CRADD: variants seen among roughly 807,000 people sequenced by gnomAD.
CRADD encodes death domain-containing protein CRADD.
Under a neutral mutation model 15.5 loss-of-function variants are expected in CRADD, and 9 were observed. The observed-to-expected ratio is 0.58, with a 90% CI of 0.35 to 1.01. The LOEUF (loss-of-function observed/expected upper bound fraction) is 1.01. CRADD is among the 50% of genes least tolerant of loss of function. The probability of loss-of-function intolerance (pLI) is 0.02; values close to 1 mark genes in which losing one functional copy is unlikely to be tolerated. For synonymous variants in CRADD, 118 were observed against 107.6 expected, an observed-to-expected ratio of 1.10 and a Z score of -0.60; for missense variants, 227 against 250.3, an observed-to-expected ratio of 0.91 and a Z score of 0.63.
intron 2 of CRADD, among the ~76,000 whole-genome samples, chr12:93,693,924 C>G (rs1955636585): frequency 6.6e-6 from 1 of 152,108 alleles, no homozygotes; most frequent in Non-Finnish European, 1.5e-5. Context: ...AAATACCAAT[C>G]TTTCTCAAAC....
At chr12:93,731,355 A>G (rs1334698514) in intron 2 of CRADD, among the ~76,000 whole-genome samples, 1 of 152,210 alleles carries the variant, frequency 6.6e-6, no homozygotes, top group Non-Finnish European at 1.5e-5. Context: ...GTTCATCCAG[A>G]TCTGTATATT....
At chr12:93,732,890 T>C (rs1457843933) in intron 2 of CRADD, among the ~76,000 whole-genome samples, 2 of 152,236 alleles carry the variant, frequency 1.3e-5, no homozygotes, top group Non-Finnish European at 2.9e-5. Flanking sequence ...TAGAAGATTT[T>C]CATAATAATA....
At chr12:93,891,304 C>T (rs961072801) in intron 2 of CRADD, among the ~76,000 whole-genome samples, 11 of 151,874 alleles carry the variant, frequency 7.2e-5, no homozygotes, top group African/African-American at 1.9e-4. Context: ...GCCTGGCCAA[C>T]GTGGCAACCC....
chr12:93,754,375 G>T (rs906640782), intron 2 of CRADD, among the ~76,000 whole-genome samples: 1 of 152,170 alleles, frequency 6.6e-6, no homozygotes, highest in African/African-American at 2.4e-5. Flanking sequence ...TTAACATTTG[G>T]CTCCTTGTTA....
rs1263937150 is a variant in CRADD at position 93,824,245 on chromosome 12, T to A, written c.299-25725T>A. ...TTCAGTGTCTCAGCATACTTTCCAATGCTTCCAGTAATGGATTGTGCAAAA... is the reference window on the plus strand; with the variant it reads ...TTCAGTGTCTCAGCATACTTTCCAAAGCTTCCAGTAATGGATTGTGCAAAA... On this transcript the variant is annotated intron_variant, in intron 2 of 2. Transcript: ENST00000332896. This position sits in a 1 kb window ranked among gnomAD's most constrained non-coding sequence, Gnocchi z 4.3. 1.3e-5 allele frequency among the ~76,000 whole-genome samples: 2 copies of A among 152,162 alleles called. No individual in the cohort carries two copies. Among genetic ancestry groups the A allele is most frequent in the Non-Finnish European group, 2.9e-5 (2 of 68,020 alleles).
At chr12:93,894,395 G>A in exon 3 of CRADD, 1 of 460,288 alleles carries the variant, frequency 2.2e-6, no homozygotes, top group South Asian at 2.3e-5. Context: ...TGGTGCAGAG[G>A]GTGAGAAGCC....
At chr12:93,703,632 G>A (rs998861784) in intron 2 of CRADD, among the ~76,000 whole-genome samples, 4 of 151,714 alleles carry the variant, frequency 2.6e-5, no homozygotes, top group African/African-American at 9.7e-5. Flanking sequence ...AAAGTGCTGG[G>A]ATTACAGGCA....
chr12:93,767,919 C>T (rs1055490640), intron 2 of CRADD, among the ~76,000 whole-genome samples: 10 of 152,302 alleles, frequency 6.6e-5, no homozygotes, highest in African/African-American at 2.4e-4. Flanking sequence ...TAAGATAAAC[C>T]AGTATTGACA....
intron 2 of CRADD, among the ~76,000 whole-genome samples, chr12:93,804,470 C>G (rs1279778115): frequency 1.3e-5 from 2 of 152,066 alleles, no homozygotes; most frequent in Non-Finnish European, 2.9e-5. Context: ...TGCTGACATA[C>G]CCAGACTATG....
At chr12:93,683,900 ATCTAGCTTGCAG>A (rs1955375782) in intron 2 of CRADD, among the ~76,000 whole-genome samples, 1 of 152,208 alleles carries the variant, frequency 6.6e-6, no homozygotes, top group Non-Finnish European at 1.5e-5. Context: ...GTCTCAGTGT[ATCTAGCTTGCAG>A]TCTATCCATG....
At chr12:93,808,291 C>T (rs2137004710) in intron 2 of CRADD, among the ~76,000 whole-genome samples, 1 of 152,192 alleles carries the variant, frequency 6.6e-6, no homozygotes, top group South Asian at 2.1e-4. Flanking sequence ...GGAGGCCTCA[C>T]AATCATGGCA....
intron 2 of CRADD, among the ~76,000 whole-genome samples, chr12:93,849,517 G>T (rs964177032): frequency 1.3e-5 from 2 of 152,120 alleles, no homozygotes; most frequent in African/African-American, 4.8e-5. Context: ...AAGGCAGGTG[G>T]ATCACCTGAG....
intron 2 of CRADD, among the ~76,000 whole-genome samples, chr12:93,720,158 T>C (rs1215930071): frequency 6.6e-6 from 1 of 152,190 alleles, no homozygotes; most frequent in Non-Finnish European, 1.5e-5. Context: ...AATATTTTTT[T>C]AAATTATCTT....
At chr12:93,859,893 ATTTT>A (rs11295660) in intron 2 of CRADD, among the ~76,000 whole-genome samples, 1 of 147,138 alleles carries the variant, frequency 6.8e-6, no homozygotes, top group South Asian at 2.2e-4. Context: ...CGACCAGCTA[ATTTT>A]TTTTTTTTTT....
intron 2 of CRADD, among the ~76,000 whole-genome samples, chr12:93,888,565 T>C (rs1485742096): frequency 6.6e-6 from 1 of 152,118 alleles, no homozygotes; most frequent in Non-Finnish European, 1.5e-5. Flanking sequence ...ATGTGTGTTT[T>C]AGAAAGGTCA....
intron 2 of CRADD, among the ~76,000 whole-genome samples, chr12:93,710,659 T>C (rs994904436): frequency 1.6e-4 from 25 of 152,146 alleles, no homozygotes; most frequent in Admixed American, 5.9e-4. Context: ...TCTATTTCTC[T>C]TGAAGCCTAG....
At chr12:93,770,561 C>T (rs1432228427) in intron 2 of CRADD, among the ~76,000 whole-genome samples, 3 of 152,214 alleles carry the variant, frequency 2.0e-5, no homozygotes, top group Admixed American at 6.5e-5. Flanking sequence ...AAAAGACCAT[C>T]CATTCCCCAT....
In CRADD at chr12:93,858,192, T is replaced by C. The variant is rs148182053; in HGVS notation, c.299-35858T>C. ...CCTCCCAACACAAATCCCCTCCTTA[T>C]GAAAGTGTGAAAGACAAAATACACC... On this transcript the variant is annotated intron_variant, in intron 2 of 2. Transcript: ENST00000548483. 8.5e-5 allele frequency among the ~76,000 whole-genome samples: 13 copies of C among 152,332 alleles called. No homozygotes were observed. In the East Asian group the frequency reaches 2.5e-3, roughly 29 times the overall value.
At chr12:93,883,817 G>C (rs1057090993) in intron 2 of CRADD, among the ~76,000 whole-genome samples, 1 of 152,100 alleles carries the variant, frequency 6.6e-6, no homozygotes, top group African/African-American at 2.4e-5. Context: ...TGGGTGACAG[G>C]GTGAGACCTT....
Sources: allele counts gnomAD v4.1 joint callset (sites outside exome capture counted in the v4.1 genomes callset), GRCh38; gene constraint gnomAD v4.1.1; non-coding constraint Gnocchi (gnomAD v3.1); transcripts MANE v1.5; gene names NCBI Gene and HGNC (gene_info 2026-07-23, HGNC 2026-07-21).